DMD: variants seen among roughly 807,000 people sequenced by gnomAD.
DMD encodes mutant dystrophin.
In DMD, 63 loss-of-function variants were observed where a neutral mutation model predicts 330.1. The observed-to-expected ratio is 0.19, with a 90% CI of 0.16 to 0.24. The LOEUF (loss-of-function observed/expected upper bound fraction) is 0.24. Ranked by LOEUF, DMD falls within the 10% of genes least tolerant of loss-of-function variation. DMD has a pLI of 1.00. For missense variants in DMD, 3,344 were observed against 2,684.1 expected (o/e 1.25, Z -5.43); for synonymous variants, 1,223 against 959.8 (o/e 1.27, Z -5.07).
At position 32,612,497 on chromosome X, in the gene DMD, A is replaced by C. The variant is rs113806929; in HGVS notation, c.1482+1806T>G. The stretch of plus-strand genomic sequence containing the variant: ...GCTATCATTAGTGTTAGTATATTTT[A>C]TGTGTGGCCCAAGACAATTCTTCCA... On this transcript the variant is annotated intron_variant, in intron 12 of 78. Coordinates refer to ENST00000357033, the MANE Select transcript of DMD (RefSeq NM_004006.3). Among the ~76,000 whole-genome samples, 588 of 111,627 alleles carry C rather than the reference A, an allele frequency of 5.3e-3. 5 individuals are homozygous for C. Among genetic ancestry groups the C allele is most frequent in the African/African-American group, 0.018 (551 of 30,793 alleles).
At chrX:32,455,097 A>C (rs367626983) in intron 25 of DMD, among the ~76,000 whole-genome samples, 21 of 111,090 alleles carry the variant, frequency 1.9e-4, no homozygotes, top group African/African-American at 6.8e-4. Flanking sequence ...TTGTGTGACA[A>C]TGCTTTTCTG....
chrX:31,707,219 A>G (rs2084267749), intron 52 of DMD, among the ~76,000 whole-genome samples: 1 of 111,039 alleles, frequency 9.0e-6, no homozygotes. Context: ...GAACATTAAA[A>G]AAACCAAAGC....
chrX:31,818,838 T>A (rs1195245766), intron 50 of DMD, among the ~76,000 whole-genome samples: 1 of 110,739 alleles, frequency 9.0e-6, no homozygotes, highest in African/African-American at 3.3e-5. Flanking sequence ...AGATGCACTG[T>A]CCCCAGATTG....
At chrX:31,718,484 C>A (rs2148950957) in intron 52 of DMD, among the ~76,000 whole-genome samples, 1 of 110,896 alleles carries the variant, frequency 9.0e-6, no homozygotes, top group Non-Finnish European at 1.9e-5. Context: ...TGTTGAAGTG[C>A]TAACCCCCAA....
chrX:31,934,539 G>T (rs929234318), intron 45 of DMD, among the ~76,000 whole-genome samples: 1 of 111,415 alleles, frequency 9.0e-6, no homozygotes, highest in African/African-American at 3.3e-5. Context: ...TTTGATACAC[G>T]CATGCAATGA....
chrX:32,934,608 T>G (rs1029709966), intron 2 of DMD, among the ~76,000 whole-genome samples: 1 of 111,911 alleles, frequency 8.9e-6, no homozygotes, highest in Non-Finnish European at 1.9e-5. Flanking sequence ...TGATTTCCCT[T>G]TGTGTAATGT....
At chrX:33,043,328 C>T (rs930753369) in intron 1 of DMD, among the ~76,000 whole-genome samples, 4 of 111,528 alleles carry the variant, frequency 3.6e-5, no homozygotes, top group Non-Finnish European at 5.6e-5. Context: ...ATCACCTGAT[C>T]TATTTCTTAA....
chrX:33,069,229 C>T (rs1468149797), intron 1 of DMD, among the ~76,000 whole-genome samples: 1 of 110,926 alleles, frequency 9.0e-6, no homozygotes, highest in Non-Finnish European at 1.9e-5. Context: ...TTTTCATCTC[C>T]TTCAACAAGT....
At chrX:32,276,388 A>C (rs1603629774) in intron 43 of DMD, among the ~76,000 whole-genome samples, 1 of 112,443 alleles carries the variant, frequency 8.9e-6, no homozygotes, top group East Asian at 2.8e-4. Context: ...CTAGGGAGAC[A>C]CCAGCTGGCA....
At chrX:32,893,114 A>G (rs1444183818) in intron 2 of DMD, among the ~76,000 whole-genome samples, 1 of 112,274 alleles carries the variant, frequency 8.9e-6, no homozygotes, top group Non-Finnish European at 1.9e-5. Flanking sequence ...TGGTCTCAAT[A>G]GTTCAATTAT....
At chrX:32,084,071 AT>A (rs200064287) in intron 44 of DMD, among the ~76,000 whole-genome samples, 40 of 111,291 alleles carry the variant, frequency 3.6e-4, no homozygotes, top group African/African-American at 1.2e-3. Context: ...TTTTGTCAAG[AT>A]TTTTTTTTAC....
At chrX:31,215,998 T>C (rs1471239800) in intron 64 of DMD, among the ~76,000 whole-genome samples, 1 of 112,569 alleles carries the variant, frequency 8.9e-6, no homozygotes, top group Non-Finnish European at 1.9e-5. Context: ...CATGTGTATT[T>C]CCCATTAAAG....
chrX:32,840,864 T>C (rs938664086), intron 4 of DMD, among the ~76,000 whole-genome samples: 1 of 112,057 alleles, frequency 8.9e-6, no homozygotes. Context: ...CATTCTCACA[T>C]ATATATGTGT....
At chrX:32,387,391 C>A (rs371540717) in intron 32 of DMD, among the ~76,000 whole-genome samples, 2 of 111,100 alleles carry the variant, frequency 1.8e-5, no homozygotes, top group East Asian at 5.7e-4. Flanking sequence ...TAATAGTTTA[C>A]ATTATGTATC....
rs1027182063 is a variant in DMD at position 33,029,879 on chromosome X, G to A, written c.32-9679C>T. On this transcript the variant is annotated intron_variant, in intron 1 of 78. Coordinates refer to ENST00000357033, the MANE Select transcript of DMD (RefSeq NM_004006.3). ...TCAGTTGGAAAAACAGTGCCATCTG[G>A]TAGATTGTGCAAACAGTTAATTCTT... Among the ~76,000 whole-genome samples, 3 of 111,693 alleles carry A rather than the reference G, an allele frequency of 2.7e-5. No individual in the cohort carries two copies. The Admixed American group carries it at 2.9e-4, about 11-fold the overall frequency.
At chrX:31,313,827 T>A (rs1322920051) in intron 62 of DMD, among the ~76,000 whole-genome samples, 1 of 103,231 alleles carries the variant, frequency 9.7e-6, no homozygotes, top group Non-Finnish European at 2.0e-5. Flanking sequence ...TTTTTTTTTT[T>A]AACTTTTATT....
intron 54 of DMD, among the ~76,000 whole-genome samples, chrX:31,638,999 G>C (rs1365716206): frequency 8.9e-6 from 1 of 111,794 alleles, no homozygotes; most frequent in Non-Finnish European, 1.9e-5. Context: ...GATAATCACA[G>C]AATTGTAAAA....
At chrX:31,789,906 T>C (rs1049326859) in intron 50 of DMD, among the ~76,000 whole-genome samples, 1 of 111,418 alleles carries the variant, frequency 9.0e-6, no homozygotes, top group Non-Finnish European at 1.9e-5. Context: ...AAAGGAATTA[T>C]ACATCTTGAG....
rs1359167838 is a variant in DMD at position 32,252,793 on chromosome X, AAT to A, written c.6290+34734_6290+34735del. Among the ~76,000 whole-genome samples the A allele has an allele frequency of 5.1e-3, 224 of 43,928 alleles. 13 individuals carry two copies. The highest frequency in any genetic ancestry group is 0.029 in the African/African-American group (187 of 6,554). 38.1% of individuals were successfully genotyped at this position (43,928 alleles called of 115,157 possible). On this transcript the variant is annotated intron_variant, in intron 43 of 78. Transcript: ENST00000357033. ...ATATAAATATATATAAATATATATA[AAT>A]ATATATATAAATATATATAAGTATA...
Sources: allele counts gnomAD v4.1 joint callset (sites outside exome capture counted in the v4.1 genomes callset), GRCh38; gene constraint gnomAD v4.1.1; transcripts MANE v1.5; gene names NCBI Gene and HGNC (gene_info 2026-07-23, HGNC 2026-07-21).